TAFA4: variants seen among roughly 807,000 people sequenced by gnomAD.
The protein encoded by TAFA4 is chemokine-like protein TAFA-4.
A neutral mutation model predicts 21.1 loss-of-function variants in TAFA4; 20 were observed. The ratio of observed to expected loss-of-function variants is 0.95; its 90% CI spans 0.67 to 1.38. The LOEUF (loss-of-function observed/expected upper bound fraction) is 1.38, where lower values mean the gene tolerates loss of function less well. Among genes scored for constraint, TAFA4 ranks in the 40% most tolerant of loss-of-function variants. The pLI is 0.00. For synonymous variants in TAFA4, 71 were observed against 67.4 expected (o/e 1.05, Z -0.26); for missense variants, 211 against 180.9 (o/e 1.17, Z -0.95).
chr3:68,757,111 T>A (rs1468884130), intron 3 of TAFA4, among the ~76,000 whole-genome samples: 1 of 152,128 alleles, frequency 6.6e-6, no homozygotes, highest in Non-Finnish European at 1.5e-5. Flanking sequence ...ACCATAGACA[T>A]AGACTGGGTG....
At chr3:68,770,156 T>C (rs1463421224) in intron 3 of TAFA4, among the ~76,000 whole-genome samples, 2 of 152,234 alleles carry the variant, frequency 1.3e-5, no homozygotes, top group Non-Finnish European at 2.9e-5. Context: ...AGATTTTGGG[T>C]TGTGGGTTCA....
chr3:68,847,551 T>C (rs191426267), intron 3 of TAFA4, among the ~76,000 whole-genome samples: 1 of 152,278 alleles, frequency 6.6e-6, no homozygotes, highest in East Asian at 1.9e-4. Context: ...CACTGGAGTA[T>C]GGAAAAAACC....
chr3:68,921,150 G>C (rs1003790199), intron 1 of TAFA4, among the ~76,000 whole-genome samples: 1 of 152,030 alleles, frequency 6.6e-6, no homozygotes, highest in African/African-American at 2.4e-5. Flanking sequence ...CTAGTCGCAC[G>C]CAACACCCTG....
intron 2 of TAFA4, 48 bp downstream of exon 2, chr3:68,885,127 A>G (rs2089657558): frequency 1.3e-6 from 2 of 1,595,548 alleles, no homozygotes; most frequent in Middle Eastern, 3.3e-4. Flanking sequence ...TAAATTCTCA[A>G]TACTTTGTAA....
At chr3:68,811,860 G>C (rs1343935378) in intron 3 of TAFA4, among the ~76,000 whole-genome samples, 2 of 152,166 alleles carry the variant, frequency 1.3e-5, no homozygotes, top group East Asian at 3.9e-4. Flanking sequence ...GCAACTCCAA[G>C]ACACACAATT....
intron 3 of TAFA4, among the ~76,000 whole-genome samples, chr3:68,788,239 C>T (rs1205675835): frequency 6.6e-6 from 1 of 152,140 alleles, no homozygotes; most frequent in East Asian, 1.9e-4. Context: ...CCACCTTCTC[C>T]CTCACTACCC....
At chr3:68,770,347 T>C (rs555756801) in intron 3 of TAFA4, among the ~76,000 whole-genome samples, 2 of 152,314 alleles carry the variant, frequency 1.3e-5, no homozygotes, top group South Asian at 4.1e-4. Context: ...GACAGGTTGA[T>C]GATAGCATGT....
At chr3:68,820,391 T>C (rs1236049710) in intron 3 of TAFA4, among the ~76,000 whole-genome samples, 1 of 152,068 alleles carries the variant, frequency 6.6e-6, no homozygotes, top group Admixed American at 6.6e-5. Flanking sequence ...GACTTAAAAA[T>C]TGCTAGGCTG....
At chr3:68,877,392 A>T (rs1049803755) in intron 3 of TAFA4, among the ~76,000 whole-genome samples, 6 of 152,052 alleles carry the variant, frequency 3.9e-5, no homozygotes, top group African/African-American at 4.8e-5. Context: ...ATAAAGTAAA[A>T]TCTTTTGTCT....
chr3:68,815,064 A>C (rs1703938210), intron 3 of TAFA4, among the ~76,000 whole-genome samples: 2 of 152,202 alleles, frequency 1.3e-5, no homozygotes, highest in Non-Finnish European at 2.9e-5. Context: ...GAAATGGGGA[A>C]AGGATTCTCT....
At chr3:68,878,263 T>C (rs2089576819) in intron 3 of TAFA4, among the ~76,000 whole-genome samples, 1 of 152,210 alleles carries the variant, frequency 6.6e-6, no homozygotes. Flanking sequence ...AGCACCCAAG[T>C]TCTCAACTTT....
chr3:68,798,363 C>A (rs906789920), intron 3 of TAFA4, among the ~76,000 whole-genome samples: 7 of 152,146 alleles, frequency 4.6e-5, no homozygotes, highest in African/African-American at 1.7e-4. Flanking sequence ...GGCTTCCTCT[C>A]TTCAACAAAA....
Position 68,791,924 on chromosome 3 carries a change from C to T in TAFA4, c.131-38906G>A, listed in dbSNP as rs949641758. Among the ~76,000 whole-genome samples, 9 of 152,162 alleles carry T rather than the reference C, an allele frequency of 5.9e-5. No homozygotes were observed. In the East Asian group the frequency reaches 1.5e-3, roughly 26 times the overall value. ...AGTGGGCCAAACCTGGCCCACAGGC[C>T]ACCAGTTTATAATCCCTGCTCTCAG... On this transcript the variant is annotated intron_variant, in intron 3 of 5. Coordinates refer to ENST00000295569, the MANE Select transcript of TAFA4 (RefSeq NM_182522.5).
chr3:68,797,734 T>C (rs1703480355), intron 3 of TAFA4, among the ~76,000 whole-genome samples: 1 of 151,638 alleles, frequency 6.6e-6, no homozygotes, highest in Admixed American at 6.6e-5. Context: ...ACGAGGTACC[T>C]AGAGTAGTCA....
chr3:68,886,476 A>G (rs2106958730), intron 1 of TAFA4, among the ~76,000 whole-genome samples: 1 of 152,362 alleles, frequency 6.6e-6, no homozygotes, highest in East Asian at 1.9e-4. Context: ...AGAAAGAACT[A>G]CACAATATAA....
intron 3 of TAFA4, among the ~76,000 whole-genome samples, chr3:68,762,945 TGA>T (rs1285264646): frequency 6.6e-6 from 1 of 152,188 alleles, no homozygotes; most frequent in Non-Finnish European, 1.5e-5. Flanking sequence ...GGCTAAGGCA[TGA>T]GAGTCACTTC....
At chr3:68,919,536 G>A (rs1307389292) in intron 1 of TAFA4, among the ~76,000 whole-genome samples, 2 of 151,974 alleles carry the variant, frequency 1.3e-5, no homozygotes, top group African/African-American at 2.4e-5. Flanking sequence ...CTGTCCGATC[G>A]GGCAGCCACT....
chr3:68,884,769 A>G (rs1372193639), intron 2 of TAFA4, among the ~76,000 whole-genome samples: 1 of 152,196 alleles, frequency 6.6e-6, no homozygotes, highest in Non-Finnish European at 1.5e-5. Flanking sequence ...TCCCTAATCT[A>G]TCTTCTTCTT....
At chr3:68,908,993 A>T (rs2089930028) in intron 1 of TAFA4, among the ~76,000 whole-genome samples, 1 of 152,170 alleles carries the variant, frequency 6.6e-6, no homozygotes, top group Non-Finnish European at 1.5e-5. Context: ...CACTACCCAC[A>T]TGTAGCTACT....
Sources: allele counts gnomAD v4.1 joint callset (sites outside exome capture counted in the v4.1 genomes callset), GRCh38; gene constraint gnomAD v4.1.1; transcripts MANE v1.5; gene names NCBI Gene and HGNC (gene_info 2026-07-23, HGNC 2026-07-21).